The following VPS50 variants were observed in gnomAD, a reference collection of about 807,000 sequenced individuals.
VPS50 encodes syndetin.
VPS50 carries 70 observed loss-of-function variants against 139.7 expected under a neutral mutation model. The observed-to-expected ratio is 0.50, with a 90% CI of 0.41 to 0.61. The LOEUF is 0.61. VPS50 is among the 20% of genes least tolerant of loss of function. VPS50 has a pLI of 0.00. For missense variants in VPS50, 921 were observed against 1,133.7 expected (o/e 0.81, Z 2.69); for synonymous variants, 365 against 376.7 (o/e 0.97, Z 0.36).
At chr7:93,236,551 A>G (rs1003232677) in intron 1 of VPS50, among the ~76,000 whole-genome samples, 45 of 152,226 alleles carry the variant, frequency 3.0e-4, no homozygotes, top group African/African-American at 1.0e-3. Flanking sequence ...CTATATGTCT[A>G]AACTGGGGAA....
intron 23 of VPS50, among the ~76,000 whole-genome samples, chr7:93,344,481 C>G (rs1421619149): frequency 1.3e-5 from 2 of 152,166 alleles, no homozygotes; most frequent in African/African-American, 4.8e-5. Context: ...TCAAGCAGAC[C>G]TAATAGACAT....
chr7:93,252,847 C>CT (rs1795375644), intron 3 of VPS50, 72 bp downstream of exon 3: 2 of 1,216,406 alleles, frequency 1.6e-6, no homozygotes, highest in East Asian at 2.5e-5. Flanking sequence ...GATTTGAATA[C>CT]TTTTTTGAGG....
chr7:93,343,035 G>A (rs1798271487), intron 23 of VPS50, among the ~76,000 whole-genome samples: 1 of 152,156 alleles, frequency 6.6e-6, no homozygotes, highest in South Asian at 2.1e-4. Context: ...AAATTACTCC[G>A]AGCTACGGGA....
chr7:93,259,050 C>T (rs1795584926), intron 8 of VPS50, among the ~76,000 whole-genome samples: 1 of 151,788 alleles, frequency 6.6e-6, no homozygotes, highest in Non-Finnish European at 1.5e-5. Flanking sequence ...ATTCATTGGG[C>T]ATTAAATTAC....
At chr7:93,322,390 G>A (rs1017186433) in intron 20 of VPS50, among the ~76,000 whole-genome samples, 3 of 151,848 alleles carry the variant, frequency 2.0e-5, no homozygotes, top group Non-Finnish European at 4.4e-5. Context: ...ACGAGGTCAG[G>A]AGATCGAGAC....
chr7:93,304,334 GT>G (rs924375937), intron 17 of VPS50, among the ~76,000 whole-genome samples: 13 of 150,878 alleles, frequency 8.6e-5, no homozygotes, highest in East Asian at 3.9e-4. Context: ...ATAATTACAA[GT>G]TTTTTTTTGA....
In VPS50 at chr7:93,327,866, A is replaced by T. The variant is rs935812426; in HGVS notation, c.1977+4134A>T. Among the ~76,000 whole-genome samples, 4 of 152,164 alleles carry T rather than the reference A, an allele frequency of 2.6e-5. No homozygotes were observed. The South Asian group carries it at 6.2e-4, about 24-fold the overall frequency. ...AGGTAATGTGTAGAATGGGAAGAACAGGTTATGTGGTGGTATCTGCTTTTC... is the reference window on the plus strand; with the variant it reads ...AGGTAATGTGTAGAATGGGAAGAACTGGTTATGTGGTGGTATCTGCTTTTC... On this transcript the variant is annotated intron_variant, in intron 21 of 27. Coordinates refer to ENST00000305866, the MANE Select transcript of VPS50 (RefSeq NM_017667.4).
At position 93,291,760 on chromosome 7, in the gene VPS50, G is replaced by T. The variant is rs1465676508; in HGVS notation, c.1000G>T (p.Glu334Ter). 6 of 1,600,734 alleles carry T rather than the reference G, an allele frequency of 3.7e-6. No homozygotes were observed. The highest frequency in any genetic ancestry group is 5.1e-6 in the Non-Finnish European group (6 of 1,169,238). ...TGCAGACCTGTGCAAAGCACTATGG[G>T]AAGTTATGCTCAGCTATTATAGGAC... ...CLADLCKALW[E>*]VMLSYYRTME... Residue 334 changes from glutamate to a stop codon, truncating the protein, a stop_gained, in exon 13 of 28, where the codon GAA (glutamate) becomes TAA (stop). Coordinates refer to ENST00000305866, the MANE Select transcript of VPS50 (RefSeq NM_017667.4). LOFTEE classifies it high-confidence loss of function.
At chr7:93,299,499 C>T (rs774396927) in intron 16 of VPS50, among the ~76,000 whole-genome samples, 2 of 152,104 alleles carry the variant, frequency 1.3e-5, no homozygotes, top group African/African-American at 2.4e-5. Context: ...GGTTCATGGT[C>T]CTCTCCTGCC....
chr7:93,254,898 TCAAA>T (rs1325254669), intron 4 of VPS50, among the ~76,000 whole-genome samples: 14 of 152,270 alleles, frequency 9.2e-5, no homozygotes. Context: ...AATGCAACTG[TCAAA>T]CAAAGGAAGG....
chr7:93,297,057 T>C (rs1419053746), intron 15 of VPS50, 88 bp from the exon 16 acceptor site: 1 of 1,487,116 alleles, frequency 6.7e-7, no homozygotes, highest in Non-Finnish European at 8.8e-7. Flanking sequence ...TTTAGTGATT[T>C]TTTTTATCTT....
At chr7:93,307,370 A>G (rs751821013) in intron 18 of VPS50, among the ~76,000 whole-genome samples, 1 of 151,942 alleles carries the variant, frequency 6.6e-6, no homozygotes, top group Non-Finnish European at 1.5e-5. Flanking sequence ...GTGGCATTCT[A>G]AACAGTTAAA....
chr7:93,339,635 C>G (rs1584485262), intron 22 of VPS50, among the ~76,000 whole-genome samples: 1 of 152,130 alleles, frequency 6.6e-6, no homozygotes, highest in South Asian at 2.1e-4. Flanking sequence ...TCTGCCTACT[C>G]ATATGTTCTC....
At position 93,346,461 on chromosome 7, in the gene VPS50, T is replaced by C. The variant is rs570608927; in HGVS notation, c.2208-2250T>C. ...GCTACCAATGACTTTCTTCACAGAA[T>C]TGGAAAAAGCTACTTTAAAGTTCAT... On this transcript the variant is annotated intron_variant, in intron 23 of 27. Coordinates refer to ENST00000305866, the MANE Select transcript of VPS50 (RefSeq NM_017667.4). 2.6e-5 allele frequency among the ~76,000 whole-genome samples: 4 copies of C among 152,268 alleles called. No homozygotes were observed. In the South Asian group the frequency reaches 6.2e-4, roughly 24 times the overall value.
Position 93,305,767 on chromosome 7 carries a change from G to A in VPS50, c.1453-61G>A, listed in dbSNP as rs79166214. The A allele has an allele frequency of 3.7e-4, 452 of 1,213,682 alleles. No homozygotes were observed. The African/African-American group carries it at 6.0e-3, about 16-fold the overall frequency. The allele number at this position is 1,213,682 out of a possible 1,614,324, so 75.2% of individuals were successfully genotyped here. ...ACTCTACATGTATATTGAGGGATTC[G>A]GTTTATGTACTAGAATTTTATTGTT... On this transcript the variant is annotated intron_variant, in intron 17 of 27. Coordinates refer to ENST00000305866, the MANE Select transcript of VPS50 (RefSeq NM_017667.4).
chr7:93,295,709 T>G (rs1012754367), intron 14 of VPS50, among the ~76,000 whole-genome samples: 2 of 152,100 alleles, frequency 1.3e-5, no homozygotes, highest in African/African-American at 2.4e-5. Context: ...TCTTTTTTTT[T>G]CTTTCTTTCT....
At chr7:93,301,579 A>G (rs772076003) in intron 16 of VPS50, among the ~76,000 whole-genome samples, 1 of 152,172 alleles carries the variant, frequency 6.6e-6, no homozygotes, top group Non-Finnish European at 1.5e-5. Flanking sequence ...AATAAATACC[A>G]CAAACCTGTC....
chr7:93,344,865 A>T (rs1195648808), intron 23 of VPS50, among the ~76,000 whole-genome samples: 1 of 152,012 alleles, frequency 6.6e-6, no homozygotes, highest in African/African-American at 2.4e-5. Context: ...AAATGCCCAC[A>T]AGAGAAAGCA....
intron 26 of VPS50, among the ~76,000 whole-genome samples, chr7:93,354,290 CTTTT>C (rs1436309977): frequency 1.7e-5 from 2 of 120,298 alleles, no homozygotes; most frequent in Admixed American, 1.7e-4. Flanking sequence ...TTTTTCTTTT[CTTTT>C]CTTTCTTTTT....
Sources: allele counts gnomAD v4.1 joint callset (sites outside exome capture counted in the v4.1 genomes callset), GRCh38; gene constraint gnomAD v4.1.1; transcripts MANE v1.5; gene names NCBI Gene and HGNC (gene_info 2026-07-23, HGNC 2026-07-21).